NCOR1: variants seen among roughly 807,000 people sequenced by gnomAD.
The protein encoded by NCOR1 is nuclear receptor corepressor 1.
NCOR1 carries 63 observed loss-of-function variants against 288.1 expected under a neutral mutation model. That is an observed-to-expected ratio of 0.22 (90% CI 0.18 to 0.27). The LOEUF is 0.27. Ranked by LOEUF, NCOR1 falls within the 10% of genes least tolerant of loss-of-function variation. The pLI is 1.00. For missense variants in NCOR1, 2,397 were observed against 3,019.2 expected, an observed-to-expected ratio of 0.79 and a Z score of 4.83; for synonymous variants, 1,007 against 1,065.9, an observed-to-expected ratio of 0.94 and a Z score of 1.08.
chr17:16,052,170 G>A (rs935380569), intron 40 of NCOR1, among the ~76,000 whole-genome samples: 4 of 151,290 alleles, frequency 2.6e-5, no homozygotes, highest in Admixed American at 6.6e-5. Context: ...CGGCCACCAC[G>A]CCTGGCTAAT....
chr17:16,112,909 ATTAT>A (rs755324711), intron 18 of NCOR1, among the ~76,000 whole-genome samples: 23 of 152,104 alleles, frequency 1.5e-4, no homozygotes, highest in Admixed American at 4.6e-4. Context: ...CTCATAAATT[ATTAT>A]TTATTTATTT....
In NCOR1 at chr17:16,064,098, C is replaced by T. The variant is rs2152655232; in HGVS notation, c.5191G>A (p.Ala1731Thr). 2 of 1,614,156 alleles carry T rather than the reference C, an allele frequency of 1.2e-6. No individual in the cohort carries two copies. Among genetic ancestry groups the T allele is most frequent in the Non-Finnish European group, 1.7e-6 (2 of 1,180,024 alleles). ...EKERERERIA[A>T]ASSDLYLRPG... ...CGCAGGTAGAGGTCGGAGGAAGCTG[C>T]AGCAATCCGTTCCCGCTCCCGCTCC... Residue 1731 changes from alanine to threonine, a missense_variant, in exon 35 of 46, where the codon GCA becomes ACA. Ala to Thr is a moderately conservative substitution (Grantham distance 58, BLOSUM62 0). Around this residue, in one of 11 missense-constraint regions of NCOR1, gnomAD observed 1,872 missense variants for 2,187.8 expected, o/e 0.86. Transcript: ENST00000268712.
chr17:16,098,870 T>G (rs2067115266), intron 20 of NCOR1: 1 of 154,794 alleles, frequency 6.5e-6, no homozygotes, highest in African/African-American at 2.4e-5. Context: ...ATTGTCTATA[T>G]CTAACCAACA....
chr17:16,098,643 T>G, intron 20 of NCOR1, 147 bp from the exon 21 acceptor site: 1 of 622,392 alleles, frequency 1.6e-6, no homozygotes, highest in Non-Finnish European at 2.5e-6. Context: ...ATAAAATATT[T>G]GGACAGTTAA....
chr17:16,061,553 G>A lies in NCOR1; in HGVS notation c.5729C>T (p.Pro1910Leu), dbSNP rs201320886. 47 of 1,614,218 alleles carry A rather than the reference G, an allele frequency of 2.9e-5. No homozygotes were observed. In the East Asian group the frequency reaches 1.0e-3, roughly 35 times the overall value. The change falls in exon 37 of 46, where the codon CCT (proline) becomes CTT (leucine). Residue 1910 changes from proline (P) to leucine (L), a missense_variant. Pro to Leu is a moderately conservative substitution (Grantham distance 98). Transcript: ENST00000268712. ...YSEAGKDKGPPPKSRYEEELR... is the reference protein window; with the variant it reads ...YSEAGKDKGPLPKSRYEEELR... Reference sequence around the variant, plus strand: ...CTCTTCCTCATATCTGGATTTTGGAGGAGGCCCTTTATCTTTCCCAGCCTC... The same window carrying A: ...CTCTTCCTCATATCTGGATTTTGGAAGAGGCCCTTTATCTTTCCCAGCCTC...
At position 16,029,427 on chromosome 17, in the gene NCOR1, G is replaced by A. The variant is rs1971759392; in HGVS notation, c.*2869C>T. 2.6e-5 allele frequency: 7 copies of A among 272,638 alleles called. No individual in the cohort carries two copies. Among genetic ancestry groups the A allele is most frequent in the African/African-American group, 6.8e-5 (3 of 44,322 alleles). 16.9% of individuals were successfully genotyped at this position (272,638 alleles called of 1,614,324 possible). A position where few individuals can be genotyped will look rare whatever the true frequency, so the allele number is the denominator to read the frequency against. On this transcript the variant is annotated 3_prime_UTR_variant, in exon 46 of 46. Transcript: ENST00000268712. ...GTCCAATGGTCACTGGAGTTTTCTG[G>A]GCATAAATATTTTTAAAATAGAATC...
intron 12 of NCOR1, 132 bp downstream of exon 12, chr17:16,138,876 T>C (rs1174277001): frequency 1.6e-6 from 1 of 613,878 alleles, no homozygotes; most frequent in African/African-American, 1.8e-5. Context: ...TCTCTACTTT[T>C]CACAGTATTG....
intron 23 of NCOR1, among the ~76,000 whole-genome samples, chr17:16,085,786 A>G (rs2064135888): frequency 1.3e-5 from 2 of 152,340 alleles, no homozygotes; most frequent in African/African-American, 4.8e-5. Flanking sequence ...CAGGGGTGTG[A>G]CCACTGATGT....
chr17:16,164,874 G>T, intron 5 of NCOR1, 105 bp downstream of exon 5: 5 of 767,582 alleles, frequency 6.5e-6, no homozygotes, highest in Admixed American at 3.2e-5. Context: ...AATATATAAG[G>T]CATGATTCCT....
chr17:16,177,358 C>T (rs754435836), intron 3 of NCOR1, among the ~76,000 whole-genome samples: 3 of 150,538 alleles, frequency 2.0e-5, no homozygotes, highest in African/African-American at 7.5e-5. Flanking sequence ...GTTTCTTACA[C>T]GTGGCGATTT....
At chr17:16,147,786 G>T (rs1211369563) in intron 9 of NCOR1, among the ~76,000 whole-genome samples, 1 of 151,964 alleles carries the variant, frequency 6.6e-6, no homozygotes, top group African/African-American at 2.4e-5. Flanking sequence ...CAAAACAATA[G>T]CTCCCATGCA....
At chr17:16,116,876 T>TGA (rs1386358374) in intron 18 of NCOR1, among the ~76,000 whole-genome samples, 9 of 152,382 alleles carry the variant, frequency 5.9e-5, no homozygotes, top group African/African-American at 2.2e-4. Context: ...AAAAATACAT[T>TGA]GAGTACTAGC....
At position 16,080,739 on chromosome 17, in the gene NCOR1, A is replaced by AC; in HGVS notation, c.3178-13dup. The AC allele has an allele frequency of 6.2e-7, 1 of 1,600,630 alleles. No homozygotes were observed. Among genetic ancestry groups the AC allele is most frequent in the Non-Finnish European group, 8.5e-7 (1 of 1,174,338 alleles). On this transcript the variant is annotated splice_polypyrimidine_tract_variant and intron_variant, in intron 23 of 45. Transcript: ENST00000268712. ...GTGCCTGGTGTTCCCTAAGAAAAAA[A>AC]CAAAAAAAAATTTAAAGATTAAGCA...
At chr17:16,133,939 C>T (rs548366702) in intron 14 of NCOR1, among the ~76,000 whole-genome samples, 1 of 152,350 alleles carries the variant, frequency 6.6e-6, no homozygotes, top group South Asian at 2.1e-4. Context: ...TCCCCGCCTC[C>T]TCACTGTAGC....
At position 16,035,749 on chromosome 17, in the gene NCOR1, C is replaced by G. The variant is rs1012013270; in HGVS notation, c.6956-805G>C. On this transcript the variant is annotated intron_variant, in intron 44 of 45. Coordinates refer to ENST00000268712, the MANE Select transcript of NCOR1 (RefSeq NM_006311.4). ...TAGAGATGGGGTCTCACCATGTTGC[C>G]CAGGTTGGTCTCAAACTCCTGGGTT... Among the ~76,000 whole-genome samples the G allele has an allele frequency of 2.0e-5, 3 of 151,948 alleles. No individual in the cohort carries two copies. The South Asian group carries it at 6.2e-4, about 32-fold the overall frequency.
At chr17:16,106,017 T>C (rs1404001125) in intron 19 of NCOR1, among the ~76,000 whole-genome samples, 2 of 152,122 alleles carry the variant, frequency 1.3e-5, no homozygotes. Context: ...GGGGAATTGC[T>C]TGAACCCGGG....
intron 1 of NCOR1, among the ~76,000 whole-genome samples, chr17:16,208,205 T>TG (rs2091769224): frequency 2.0e-5 from 2 of 101,202 alleles, no homozygotes; most frequent in Non-Finnish European, 4.1e-5. Flanking sequence ...CATGCCCAGC[T>TG]ATTTTTTTTT....
chr17:16,062,415 T>C, intron 35 of NCOR1, 145 bp from the exon 36 acceptor site: 1 of 871,316 alleles, frequency 1.1e-6, no homozygotes, highest in Non-Finnish European at 1.6e-6. Context: ...GTCTACTTTC[T>C]GGCCTTTCCA....
chr17:16,145,098 G>A (rs963858195), intron 10 of NCOR1, among the ~76,000 whole-genome samples: 5 of 152,310 alleles, frequency 3.3e-5, no homozygotes, highest in Middle Eastern at 3.4e-3. Flanking sequence ...ACGGGGTTTC[G>A]CCGTGTTGGA....
Sources: gnomAD v4.1 joint callset for allele counts (sites outside exome capture counted in the v4.1 genomes callset) on GRCh38, gnomAD v4.1.1 for gene constraint, gnomAD v4.1.1 regional missense constraint, MANE v1.5 for transcripts, NCBI Gene and HGNC (gene_info 2026-07-23, HGNC 2026-07-21) for gene names.